Variants in GNAQ observed in about 807,000 individuals in gnomAD.
The protein encoded by GNAQ is G protein subunit alpha q.
GNAQ carries 8 observed loss-of-function variants against 43.9 expected under a neutral mutation model. The ratio of observed to expected loss-of-function variants is 0.18; its 90% confidence interval spans 0.11 to 0.33. The LOEUF (loss-of-function observed/expected upper bound fraction) is 0.33, where lower values mean the gene tolerates loss of function less well. Among genes scored for constraint, GNAQ ranks in the 10% least tolerant of loss-of-function variants. GNAQ has a pLI of 1.00. For missense variants in GNAQ, 158 were observed against 450.8 expected, an observed-to-expected ratio of 0.35 and a Z score of 5.88; for synonymous variants, 155 against 170.7, an observed-to-expected ratio of 0.91 and a Z score of 0.71.
intron 1 of GNAQ, among the ~76,000 whole-genome samples, chr9:77,943,874 C>T (rs1829350081): frequency 6.6e-6 from 1 of 151,650 alleles, no homozygotes; most frequent in Non-Finnish European, 1.5e-5. Context: ...GCCATGATGG[C>T]CAGGCTGGTC....
At chr9:77,827,313 C>CA (rs1337189628) in intron 2 of GNAQ, among the ~76,000 whole-genome samples, 1 of 146,346 alleles carries the variant, frequency 6.8e-6, no homozygotes, top group African/African-American at 2.5e-5. Flanking sequence ...ATGAGCTTCC[C>CA]ATGAAAAGCT....
intron 1 of GNAQ, among the ~76,000 whole-genome samples, chr9:78,002,263 A>G (rs1417277639): frequency 1.3e-5 from 2 of 152,216 alleles, no homozygotes; most frequent in Non-Finnish European, 1.5e-5. Context: ...GAAAGAATCT[A>G]TGCACAGAGA....
At chr9:77,983,615 T>C (rs1275643420) in intron 1 of GNAQ, among the ~76,000 whole-genome samples, 1 of 152,212 alleles carries the variant, frequency 6.6e-6, no homozygotes, top group African/African-American at 2.4e-5. Context: ...TATGTTGCCT[T>C]TTGCCTCTTT....
At chr9:77,795,364 A>G (rs1325837384) in intron 4 of GNAQ, among the ~76,000 whole-genome samples, 2 of 152,310 alleles carry the variant, frequency 1.3e-5, no homozygotes, top group East Asian at 3.9e-4. Flanking sequence ...GTATGTCTGA[A>G]AATATCTAGC....
intron 1 of GNAQ, among the ~76,000 whole-genome samples, chr9:77,938,371 C>T (rs917965222): frequency 6.6e-6 from 1 of 152,098 alleles, no homozygotes; most frequent in Non-Finnish European, 1.5e-5. Context: ...GATCCAACAG[C>T]CTATGAGATG....
chr9:77,739,746 G>C (rs1825625672), intron 5 of GNAQ, among the ~76,000 whole-genome samples: 1 of 152,192 alleles, frequency 6.6e-6, no homozygotes, highest in Admixed American at 6.5e-5. Context: ...AGTGTGTTTG[G>C]ATGTCAGCTT....
chr9:77,987,413 T>C (rs541737952), intron 1 of GNAQ, among the ~76,000 whole-genome samples: 2 of 152,188 alleles, frequency 1.3e-5, no homozygotes, highest in Non-Finnish European at 2.9e-5. Flanking sequence ...GAGTAACATA[T>C]GCTGAATAAA....
rs12350300 is a variant in GNAQ at position 77,800,438 on chromosome 9, T to C, written c.477-2790A>G. Among the ~76,000 whole-genome samples the C allele has an allele frequency of 5.5e-3, 835 of 151,854 alleles. 3 individuals are homozygous for C. Among genetic ancestry groups the C allele is most frequent in the African/African-American group, 0.018 (751 of 41,380 alleles). On this transcript the variant is annotated intron_variant, in intron 3 of 6. Coordinates refer to ENST00000286548, the MANE Select transcript of GNAQ (RefSeq NM_002072.5). ...GTCCTTTGTAGGGACATGGATGAAA[T>C]TGGAAATCATCATTCTCAGTAAACT...
At chr9:77,942,361 T>C (rs961195066) in intron 1 of GNAQ, among the ~76,000 whole-genome samples, 27 of 152,188 alleles carry the variant, frequency 1.8e-4, no homozygotes, top group African/African-American at 6.5e-4. Context: ...TATTATATAA[T>C]GGAATGATTT....
chr9:77,977,861 T>C (rs1291712762), intron 1 of GNAQ, among the ~76,000 whole-genome samples: 1 of 152,176 alleles, frequency 6.6e-6, no homozygotes, highest in East Asian at 1.9e-4. Flanking sequence ...TGGGTGTAGT[T>C]ATCTGTCACC....
intron 3 of GNAQ, among the ~76,000 whole-genome samples, chr9:77,810,036 A>G (rs1345607288): frequency 6.6e-6 from 1 of 152,196 alleles, no homozygotes; most frequent in Non-Finnish European, 1.5e-5. Flanking sequence ...AATTTTATAT[A>G]ATTTTCCTTC....
chr9:77,879,413 A>G (rs7859978), intron 2 of GNAQ, among the ~76,000 whole-genome samples: 114,654 of 151,982 alleles, frequency 0.75, 43,373 homozygotes, highest in Admixed American at 0.82. Context: ...AGAGGCACCC[A>G]CCACCACATC....
At chr9:77,773,982 A>T (rs1256343257) in intron 5 of GNAQ, among the ~76,000 whole-genome samples, 2 of 151,968 alleles carry the variant, frequency 1.3e-5, no homozygotes, top group East Asian at 1.9e-4. Flanking sequence ...CTAAAAGACA[A>T]ATTCTTCTTC....
intron 1 of GNAQ, among the ~76,000 whole-genome samples, chr9:78,002,402 C>T (rs971629437): frequency 2.0e-4 from 31 of 152,198 alleles, no homozygotes; most frequent in African/African-American, 5.8e-4. Flanking sequence ...AAGAAAGATA[C>T]GCTGAAAAAG....
Position 77,801,059 on chromosome 9 carries a change from A to G in GNAQ, c.477-3411T>C, listed in dbSNP as rs550080425. On this transcript the variant is annotated intron_variant, in intron 3 of 6. Transcript: ENST00000286548. ...GCTGTGGTGTTCCTGAGGTAAAGGG[A>G]AAGTGTGGTTTTCTGTTTTCTGGAG... 1.8e-4 allele frequency among the ~76,000 whole-genome samples: 28 copies of G among 152,336 alleles called. No individual in the cohort carries two copies. In the South Asian group the frequency reaches 5.8e-3, roughly 32 times the overall value.
At chr9:77,923,749 A>G (rs1248707579) in intron 1 of GNAQ, among the ~76,000 whole-genome samples, 2 of 152,064 alleles carry the variant, frequency 1.3e-5, no homozygotes, top group Non-Finnish European at 2.9e-5. Flanking sequence ...CCATTTGCTC[A>G]CTACAAAGCT....
intron 1 of GNAQ, among the ~76,000 whole-genome samples, chr9:77,969,629 C>T (rs1823211281): frequency 6.6e-6 from 1 of 152,168 alleles, no homozygotes; most frequent in African/African-American, 2.4e-5. Context: ...AAATATCGCA[C>T]AGCAAAATCT....
Position 77,783,705 on chromosome 9 carries a change from T to G in GNAQ, c.735+10758A>C, listed in dbSNP as rs1007914778. ...GGGCTGAGAGGCAGGATACTAGCACTTCTAGTTTGCTTCCTGTATAACCGC... is the reference window on the plus strand; with the variant it reads ...GGGCTGAGAGGCAGGATACTAGCACGTCTAGTTTGCTTCCTGTATAACCGC... On this transcript the variant is annotated intron_variant, in intron 5 of 6. Coordinates refer to ENST00000286548, the MANE Select transcript of GNAQ (RefSeq NM_002072.5). 7.9e-5 allele frequency among the ~76,000 whole-genome samples: 12 copies of G among 152,218 alleles called. 1 individual carries two copies. In the East Asian group the frequency reaches 2.3e-3, roughly 29 times the overall value.
In GNAQ at chr9:77,716,384, A is replaced by C. The variant is rs1028130801; in HGVS notation, c.*4939T>G. On this transcript the variant is annotated 3_prime_UTR_variant, in exon 7 of 7. Coordinates refer to ENST00000286548, the MANE Select transcript of GNAQ (RefSeq NM_002072.5). The stretch of plus-strand genomic sequence containing the variant: ...CCCATCCCCAAACAATAGACAGTAC[A>C]TGCATTTGAATGACATTTTAGGAAC... The C allele has an allele frequency of 1.3e-5, 3 of 232,562 alleles. No individual in the cohort carries two copies. Among genetic ancestry groups the C allele is most frequent in the African/African-American group, 6.6e-5 (3 of 45,340 alleles). 14.4% of individuals were successfully genotyped at this position (232,562 alleles called of 1,614,324 possible).
Sources: allele counts gnomAD v4.1 joint callset (sites outside exome capture counted in the v4.1 genomes callset), GRCh38; gene constraint gnomAD v4.1.1; transcripts MANE v1.5; gene names NCBI Gene and HGNC (gene_info 2026-07-23, HGNC 2026-07-21).